The following PLD5 variants were observed in gnomAD, a reference collection of about 807,000 sequenced individuals.
PLD5 encodes phospholipase D family member 5.
A neutral mutation model predicts 61.1 loss-of-function variants in PLD5; 36 were observed. The observed-to-expected ratio is 0.59, with a 90% CI of 0.45 to 0.78. The LOEUF (loss-of-function observed/expected upper bound fraction) is 0.78, where lower values mean the gene tolerates loss of function less well. Ranked by LOEUF, PLD5 falls within the 30% of genes least tolerant of loss-of-function variation. The probability of loss-of-function intolerance (pLI) is 0.00; values close to 1 mark genes in which losing one functional copy is unlikely to be tolerated. For missense variants in PLD5, 515 were observed against 644.4 expected, an observed-to-expected ratio of 0.80 and a Z score of 2.17; for synonymous variants, 243 against 242.8, an observed-to-expected ratio of 1.00 and a Z score of -0.01.
chr1:242,132,281 C>T (rs1051657022), intron 5 of PLD5, among the ~76,000 whole-genome samples: 5 of 128,858 alleles, frequency 3.9e-5, no homozygotes, highest in African/African-American at 5.9e-5. Context: ...ATTAGTGATG[C>T]GGAAACCAGC....
intron 9 of PLD5, among the ~76,000 whole-genome samples, chr1:242,091,824 CTTTTTTTCTTTTT>C (rs1322678457): frequency 4.1e-5 from 6 of 144,656 alleles, no homozygotes; most frequent in South Asian, 2.2e-4. Flanking sequence ...CTTTTCTTTT[CTTTTTTTCTTTTT>C]TTTTTTTTTT....
At chr1:242,336,019 A>G (rs1659481138) in intron 2 of PLD5, among the ~76,000 whole-genome samples, 1 of 152,216 alleles carries the variant, frequency 6.6e-6, no homozygotes, top group Non-Finnish European at 1.5e-5. Flanking sequence ...TCTCCTATGT[A>G]TGCAGAGGAC....
At chr1:242,196,400 C>A (rs573783994) in intron 5 of PLD5, among the ~76,000 whole-genome samples, 9 of 152,182 alleles carry the variant, frequency 5.9e-5, no homozygotes, top group South Asian at 2.1e-4. Context: ...AGGCTCGGAT[C>A]GGCATTACTG....
chr1:242,097,947 T>G (rs1317931373), intron 9 of PLD5, among the ~76,000 whole-genome samples: 2 of 152,318 alleles, frequency 1.3e-5, no homozygotes, highest in East Asian at 3.9e-4. Flanking sequence ...AGGGATCCAG[T>G]TTCAGCTTTC....
chr1:242,178,309 A>G (rs777744153), intron 5 of PLD5: 3 of 152,126 alleles, frequency 2.0e-5, no homozygotes, highest in East Asian at 1.9e-4. Context: ...TAGACTTCCC[A>G]TGTTCCAAGT....
chr1:242,193,780 C>G (rs538076847), intron 5 of PLD5, among the ~76,000 whole-genome samples: 6 of 152,094 alleles, frequency 3.9e-5, no homozygotes, highest in Non-Finnish European at 8.8e-5. Flanking sequence ...ATCTGTGACC[C>G]CAGGAGTCAT....
At chr1:242,364,974 G>GA (rs35043995) in intron 1 of PLD5, among the ~76,000 whole-genome samples, 1,915 of 149,252 alleles carry the variant, frequency 0.013, 23 homozygotes, top group East Asian at 0.026. Flanking sequence ...TACAGATAAG[G>GA]AAAAAAAAAA....
At chr1:242,412,027 C>A (rs112829620) in intron 1 of PLD5, among the ~76,000 whole-genome samples, 30 of 152,118 alleles carry the variant, frequency 2.0e-4, no homozygotes, top group African/African-American at 7.2e-4. Flanking sequence ...TACATTTTAC[C>A]CACAATCAGG....
intron 1 of PLD5, among the ~76,000 whole-genome samples, chr1:242,522,490 A>G (rs148535697): frequency 2.0e-5 from 3 of 152,362 alleles, no homozygotes; most frequent in African/African-American, 7.2e-5. Context: ...AGAAGGCTGC[A>G]CCACTGATTT....
intron 1 of PLD5, among the ~76,000 whole-genome samples, chr1:242,512,289 G>A (rs1434751765): frequency 3.3e-5 from 5 of 151,762 alleles, no homozygotes; most frequent in East Asian, 3.9e-4. Context: ...GCATGGTGGC[G>A]GGTGCCTCTA....
intron 1 of PLD5, among the ~76,000 whole-genome samples, chr1:242,349,392 C>A (rs540188635): frequency 3.2e-4 from 48 of 152,346 alleles, no homozygotes; most frequent in African/African-American, 1.1e-3. Context: ...CCAGCTCCCA[C>A]TTCTCATCAT....
At chr1:242,108,245 T>G (rs1661216912) in intron 7 of PLD5, among the ~76,000 whole-genome samples, 1 of 151,030 alleles carries the variant, frequency 6.6e-6, no homozygotes, top group African/African-American at 2.5e-5. Flanking sequence ...AACCTCTCTT[T>G]GGTGATTGTC....
chr1:242,151,259 A>G (rs2800758), intron 5 of PLD5, among the ~76,000 whole-genome samples: 2,019 of 152,062 alleles, frequency 0.013, 47 homozygotes, highest in African/African-American at 0.044. Context: ...TCATTTTAAC[A>G]TTCAAGCTTC....
intron 1 of PLD5, among the ~76,000 whole-genome samples, chr1:242,518,050 A>G (rs561964840): frequency 6.6e-6 from 1 of 152,334 alleles, no homozygotes; most frequent in Admixed American, 6.5e-5. Flanking sequence ...AAATATATTT[A>G]TCACCCAACG....
chr1:242,350,021 T>C (rs1401015558), intron 1 of PLD5, among the ~76,000 whole-genome samples: 2 of 151,972 alleles, frequency 1.3e-5, no homozygotes, highest in African/African-American at 2.4e-5. Context: ...TACACTCCAG[T>C]GTGGGCATCA....
intron 2 of PLD5, among the ~76,000 whole-genome samples, chr1:242,323,654 C>T (rs1658565055): frequency 6.6e-6 from 1 of 152,194 alleles, no homozygotes; most frequent in South Asian, 2.1e-4. Context: ...GGAACTGCTG[C>T]CCCCATTCAG....
At chr1:242,203,719 C>CG (rs1553323613) in intron 5 of PLD5, 1 of 152,380 alleles carries the variant, frequency 6.6e-6, no homozygotes, top group Non-Finnish European at 1.5e-5. Flanking sequence ...GCCAGCACCA[C>CG]GCTTCCTATA....
At chr1:242,298,048 T>C (rs529364462) in intron 2 of PLD5, among the ~76,000 whole-genome samples, 7 of 152,224 alleles carry the variant, frequency 4.6e-5, no homozygotes, top group African/African-American at 1.7e-4. Flanking sequence ...GTATTCTGTG[T>C]CCTTTTGATG....
chr1:242,435,036 C>T (rs542760065), intron 1 of PLD5, among the ~76,000 whole-genome samples: 1 of 142,158 alleles, frequency 7.0e-6, no homozygotes, highest in Non-Finnish European at 1.5e-5. Context: ...CCTCCTCACT[C>T]CCCAGCCCTT....
Sources: allele counts gnomAD v4.1 joint callset (sites outside exome capture counted in the v4.1 genomes callset), GRCh38; gene constraint gnomAD v4.1.1; transcripts MANE v1.5; gene names NCBI Gene and HGNC (gene_info 2026-07-23, HGNC 2026-07-21).